Variants in SLX4IP observed in about 807,000 individuals in gnomAD.
The protein encoded by SLX4IP is protein SLX4IP.
SLX4IP carries 34 observed loss-of-function variants against 32.9 expected under a neutral mutation model. That is an observed-to-expected ratio of 1.03 (90% CI 0.79 to 1.38). The LOEUF is 1.38. SLX4IP is among the 40% of genes most tolerant of loss of function. The pLI, the probability that SLX4IP is intolerant of heterozygous loss-of-function variation, is 0.00. For synonymous variants in SLX4IP, 172 were observed against 171.7 expected, an observed-to-expected ratio of 1.00 and a Z score of -0.01; for missense variants, 444 against 479.0, an observed-to-expected ratio of 0.93 and a Z score of 0.68.
intron 2 of SLX4IP, among the ~76,000 whole-genome samples, chr20:10,504,298 AGATTAATTGTGAATAGAGAAT>A: frequency 6.6e-6 from 1 of 152,178 alleles, no homozygotes; most frequent in Non-Finnish European, 1.5e-5. Flanking sequence ...AAGAGTGGAC[AGATTAATTGTGAATAGAGAAT>A]GCCCTGAAAA....
At chr20:10,565,210 A>G (rs2122507094) in intron 4 of SLX4IP, among the ~76,000 whole-genome samples, 1 of 152,330 alleles carries the variant, frequency 6.6e-6, no homozygotes, top group Admixed American at 6.5e-5. Context: ...CTCTGTGGTC[A>G]GGAACCTTAG....
At chr20:10,499,821 T>C (rs1359823425) in intron 2 of SLX4IP, among the ~76,000 whole-genome samples, 1 of 152,208 alleles carries the variant, frequency 6.6e-6, no homozygotes, top group African/African-American at 2.4e-5. Flanking sequence ...ATCTATAACC[T>C]GGGTTTAACT....
At chr20:10,579,967 A>G (rs2066565035) in intron 4 of SLX4IP, among the ~76,000 whole-genome samples, 1 of 152,176 alleles carries the variant, frequency 6.6e-6, no homozygotes, top group African/African-American at 2.4e-5. Flanking sequence ...ATAAAGTACC[A>G]TTGATTTTGC....
At chr20:10,436,365 T>G (rs998142604) in intron 1 of SLX4IP, among the ~76,000 whole-genome samples, 1 of 41,362 alleles carries the variant, frequency 2.4e-5, no homozygotes, top group East Asian at 2.8e-4. Context: ...TCTTTCTTTC[T>G]TTTTTTTTTT....
chr20:10,480,331 T>A (rs2065510864), intron 2 of SLX4IP, among the ~76,000 whole-genome samples: 1 of 151,868 alleles, frequency 6.6e-6, no homozygotes, highest in Non-Finnish European at 1.5e-5. Flanking sequence ...GCCTGGGAGG[T>A]TGAGGCTGCA....
intron 2 of SLX4IP, among the ~76,000 whole-genome samples, chr20:10,480,771 T>A (rs1214617644): frequency 6.6e-6 from 1 of 152,252 alleles, no homozygotes; most frequent in Non-Finnish European, 1.5e-5. Flanking sequence ...GATTTCTACA[T>A]TGTAAGTATT....
intron 1 of SLX4IP, among the ~76,000 whole-genome samples, chr20:10,452,116 A>G (rs1437345459): frequency 6.6e-6 from 1 of 152,218 alleles, no homozygotes; most frequent in African/African-American, 2.4e-5. Flanking sequence ...AAAAATTTCA[A>G]CGGGCAAATA....
intron 2 of SLX4IP, among the ~76,000 whole-genome samples, chr20:10,481,473 T>C (rs1387991763): frequency 1.3e-5 from 2 of 152,250 alleles, no homozygotes; most frequent in Non-Finnish European, 2.9e-5. Flanking sequence ...TTTCTCTAAT[T>C]GCTTCAATTT....
At chr20:10,619,197 TTTTTC>T (rs1349337047) in intron 6 of SLX4IP, among the ~76,000 whole-genome samples, 2 of 151,450 alleles carry the variant, frequency 1.3e-5, no homozygotes, top group Admixed American at 6.6e-5. Context: ...TCTTTTTTTC[TTTTTC>T]TTTTCTTTTT....
intron 6 of SLX4IP, among the ~76,000 whole-genome samples, chr20:10,612,492 T>C (rs1211957338): frequency 6.6e-6 from 1 of 152,218 alleles, no homozygotes; most frequent in Non-Finnish European, 1.5e-5. Flanking sequence ...CCTAAGACTA[T>C]GTTTTGTAAT....
intron 1 of SLX4IP, among the ~76,000 whole-genome samples, chr20:10,451,524 T>C (rs1267017429): frequency 6.6e-6 from 1 of 152,144 alleles, no homozygotes; most frequent in Non-Finnish European, 1.5e-5. Context: ...TACCTACAAG[T>C]GTCTATTGAG....
intron 1 of SLX4IP, among the ~76,000 whole-genome samples, chr20:10,450,403 A>G (rs777465656): frequency 1.3e-5 from 2 of 152,258 alleles, no homozygotes; most frequent in Non-Finnish European, 2.9e-5. Flanking sequence ...AAAAATTCAT[A>G]TAAAGTTTTC....
intron 2 of SLX4IP, among the ~76,000 whole-genome samples, chr20:10,484,944 C>T (rs2065559300): frequency 6.6e-6 from 1 of 151,970 alleles, no homozygotes; most frequent in Non-Finnish European, 1.5e-5. Context: ...AGGGAGAGTG[C>T]ACTCAGAAAT....
chr20:10,562,374 C>T (rs952731406), intron 4 of SLX4IP, among the ~76,000 whole-genome samples: 1 of 152,142 alleles, frequency 6.6e-6, no homozygotes, highest in Non-Finnish European at 1.5e-5. Flanking sequence ...GCCCAGCTGC[C>T]GGACTCTCCG....
At chr20:10,619,014 T>C (rs957920075) in intron 6 of SLX4IP, among the ~76,000 whole-genome samples, 2 of 151,912 alleles carry the variant, frequency 1.3e-5, no homozygotes, top group African/African-American at 4.8e-5. Flanking sequence ...ACCCTAGAAA[T>C]GTTAGAGTAA....
chr20:10,493,010 G>C (rs934863773), intron 2 of SLX4IP, among the ~76,000 whole-genome samples: 1 of 151,784 alleles, frequency 6.6e-6, no homozygotes, highest in African/African-American at 2.4e-5. Flanking sequence ...TGCTATGTTG[G>C]CCAGGCTGGT....
intron 1 of SLX4IP, among the ~76,000 whole-genome samples, chr20:10,451,148 A>T (rs533425048): frequency 6.6e-6 from 1 of 151,884 alleles, no homozygotes; most frequent in African/African-American, 2.4e-5. Flanking sequence ...TTCAGGATAC[A>T]GAAATAAGTG....
At chr20:10,598,134 T>C (rs1027966702) in intron 4 of SLX4IP, among the ~76,000 whole-genome samples, 3 of 152,222 alleles carry the variant, frequency 2.0e-5, no homozygotes, top group African/African-American at 7.2e-5. Flanking sequence ...CGTTTTACAG[T>C]TGAAGTAACT....
chr20:10,487,615 T>A (rs1274670387), intron 2 of SLX4IP, among the ~76,000 whole-genome samples: 1 of 152,084 alleles, frequency 6.6e-6, no homozygotes. Flanking sequence ...CCACTTGATA[T>A]GTAACTTGGG....
Sources: gnomAD v4.1 joint callset for allele counts (sites outside exome capture counted in the v4.1 genomes callset) on GRCh38, gnomAD v4.1.1 for gene constraint, MANE v1.5 for transcripts, NCBI Gene and HGNC (gene_info 2026-07-23, HGNC 2026-07-21) for gene names.